The following FRMD4A variants were observed in gnomAD, a reference collection of about 807,000 sequenced individuals.
The protein encoded by FRMD4A is FERM domain containing 4A.
In FRMD4A, 29 loss-of-function variants were observed where a neutral mutation model predicts 129.1. The observed-to-expected ratio is 0.22, with a 90% confidence interval of 0.17 to 0.31. The LOEUF (loss-of-function observed/expected upper bound fraction) is 0.31, where lower values mean the gene tolerates loss of function less well. Ranked by LOEUF, FRMD4A falls within the 10% of genes least tolerant of loss-of-function variation. The pLI, the probability that FRMD4A is intolerant of heterozygous loss-of-function variation, is 1.00. For missense variants in FRMD4A, 1,272 were observed against 1,375.8 expected (o/e 0.92, Z 1.19); for synonymous variants, 634 against 571.6 (o/e 1.11, Z -1.56).
chr10:14,152,408 G>A (rs753510841), intron 2 of FRMD4A, among the ~76,000 whole-genome samples: 5 of 152,058 alleles, frequency 3.3e-5, no homozygotes, highest in Admixed American at 1.3e-4. Flanking sequence ...GATTACAGGC[G>A]TGAGCCACCG....
At chr10:13,731,972 G>A (rs2090350663) in intron 12 of FRMD4A, among the ~76,000 whole-genome samples, 19 of 152,156 alleles carry the variant, frequency 1.2e-4, no homozygotes, top group Admixed American at 1.2e-3. Context: ...CCTGACATGT[G>A]TACCCTGCAG....
intron 2 of FRMD4A, among the ~76,000 whole-genome samples, chr10:13,967,090 C>A (rs1289589618): frequency 6.6e-6 from 1 of 152,210 alleles, no homozygotes; most frequent in Non-Finnish European, 1.5e-5. Flanking sequence ...GTAATCCCAG[C>A]ACTTCGGAGG....
At chr10:14,320,826 G>C (rs907251727) in intron 2 of FRMD4A, among the ~76,000 whole-genome samples, 2 of 152,230 alleles carry the variant, frequency 1.3e-5, no homozygotes, top group Non-Finnish European at 2.9e-5. Context: ...TGAAGCTGGA[G>C]TCTGCTGAAC....
intron 2 of FRMD4A, among the ~76,000 whole-genome samples, chr10:14,169,396 A>G (rs1841359810): frequency 6.6e-6 from 1 of 152,140 alleles, no homozygotes; most frequent in Admixed American, 6.5e-5. Flanking sequence ...ATTCTTGCCT[A>G]TTCTGTAGGA....
At chr10:13,958,319 C>G (rs75293781) in intron 2 of FRMD4A, among the ~76,000 whole-genome samples, 2 of 135,584 alleles carry the variant, frequency 1.5e-5, no homozygotes, top group Admixed American at 1.7e-4. Context: ...GAGTCTCGCT[C>G]GTCGCCCAGG....
intron 6 of FRMD4A, among the ~76,000 whole-genome samples, chr10:13,772,094 G>A (rs181621189): frequency 0.011 from 1,619 of 147,750 alleles, 26 homozygotes; most frequent in African/African-American, 0.038. Flanking sequence ...TCCAGCCTGG[G>A]TGACTGAGCA....
Position 14,054,498 on chromosome 10 carries a change from C to CA in FRMD4A, c.46-195587dup, listed in dbSNP as rs562528471. Among the ~76,000 whole-genome samples the CA allele has an allele frequency of 1.7e-3, 251 of 151,844 alleles. 9 individuals carry two copies. The South Asian group carries it at 0.05, about 30-fold the overall frequency. ...CTAAACTTTAGGTTCAACGATACTC[C>CA]AAAAAAAAATCAAAATTTCTCTACG... is the stretch of plus-strand genomic sequence containing the variant. On this transcript the variant is annotated intron_variant, in intron 2 of 24. Transcript: ENST00000357447.
chr10:13,893,163 A>G (rs1564988975), intron 2 of FRMD4A, among the ~76,000 whole-genome samples: 1 of 152,050 alleles, frequency 6.6e-6, no homozygotes, highest in African/African-American at 2.4e-5. Flanking sequence ...CAGCCTCCTA[A>G]GTAACTGGGA....
intron 2 of FRMD4A, among the ~76,000 whole-genome samples, chr10:14,163,171 G>A (rs1475993291): frequency 6.6e-6 from 1 of 152,090 alleles, no homozygotes; most frequent in East Asian, 1.9e-4. Context: ...TGAGTTTCAT[G>A]GTATCCTACA....
In FRMD4A at chr10:13,646,942, G is replaced by A; in HGVS notation, c.*96C>T. ...ATTAGGCCGGGCTGGCTCACACGAGGGTCCCGGGCTTGGCTTTTTCCTGCC... is the reference window on the plus strand; with the variant it reads ...ATTAGGCCGGGCTGGCTCACACGAGAGTCCCGGGCTTGGCTTTTTCCTGCC... On this transcript the variant is annotated 3_prime_UTR_variant, in exon 25 of 25. Transcript: ENST00000357447. 1.0e-6 allele frequency: 1 copy of A among 970,612 alleles called. No homozygotes were observed. 60.1% of individuals were successfully genotyped at this position (970,612 alleles called of 1,614,324 possible). A position where few individuals can be genotyped will look rare whatever the true frequency, so the allele number is the denominator to read the frequency against.
chr10:14,255,439 G>C (rs1844574457), intron 2 of FRMD4A, among the ~76,000 whole-genome samples: 1 of 152,270 alleles, frequency 6.6e-6, no homozygotes. Flanking sequence ...TATCAAAAGG[G>C]AAGACCTGTA....
intron 2 of FRMD4A, among the ~76,000 whole-genome samples, chr10:14,240,132 T>A (rs545411403): frequency 6.6e-6 from 1 of 152,318 alleles, no homozygotes; most frequent in East Asian, 1.9e-4. Context: ...GATGGAGTAA[T>A]GACATCTTCA....
chr10:14,116,657 G>A (rs1284470977), intron 2 of FRMD4A, among the ~76,000 whole-genome samples: 1 of 152,126 alleles, frequency 6.6e-6, no homozygotes, highest in African/African-American at 2.4e-5. Flanking sequence ...CCCATTTATA[G>A]CAGCTTTAAA....
chr10:14,217,206 A>G (rs1463362961), intron 2 of FRMD4A, among the ~76,000 whole-genome samples: 1 of 152,230 alleles, frequency 6.6e-6, no homozygotes, highest in Non-Finnish European at 1.5e-5. Context: ...AAATTGTCCC[A>G]AACATCAATC....
At position 13,838,911 on chromosome 10, in the gene FRMD4A, T is replaced by C. The variant is rs2130966549; in HGVS notation, c.111+19936A>G. ...AAAATACTGACCTTAACCAGGACAT[T>C]GAATAAAAACCATCCAATGATGATT... On this transcript the variant is annotated intron_variant, in intron 3 of 24. Transcript: ENST00000357447. Among the ~76,000 whole-genome samples the C allele has an allele frequency of 2.0e-5, 3 of 151,974 alleles. No individual in the cohort carries two copies. The Middle Eastern group carries it at 0.01, about 517-fold the overall frequency.
intron 1 of FRMD4A, 60 bp downstream of exon 1, chr10:14,330,537 C>G: frequency 2.4e-6 from 1 of 409,006 alleles, no homozygotes; most frequent in Admixed American, 4.1e-5. Context: ...CCGAGCCACC[C>G]CCTCTCTCTG....
At position 13,986,396 on chromosome 10, in the gene FRMD4A, G is replaced by A. The variant is rs1357537769; in HGVS notation, c.46-127484C>T. Reference sequence around the variant, plus strand: ...ATCATTCTCAGTAAACTATCACAAGGACAAAAAACCAAACGCTAAATGTTC... The same window carrying A: ...ATCATTCTCAGTAAACTATCACAAGAACAAAAAACCAAACGCTAAATGTTC... On this transcript the variant is annotated intron_variant, in intron 2 of 24. Coordinates refer to ENST00000357447, the MANE Select transcript of FRMD4A (RefSeq NM_018027.5). 4.7e-5 allele frequency among the ~76,000 whole-genome samples: 7 copies of A among 148,518 alleles called. No individual in the cohort carries two copies. In the South Asian group the frequency reaches 6.5e-4, roughly 14 times the overall value.
intron 2 of FRMD4A, among the ~76,000 whole-genome samples, chr10:13,889,457 G>C (rs898785766): frequency 6.6e-6 from 1 of 152,172 alleles, no homozygotes; most frequent in Non-Finnish European, 1.5e-5. Flanking sequence ...TGTTCTCATG[G>C]ATTATGAAAT....
At position 14,129,374 on chromosome 10, in the gene FRMD4A, A is replaced by G. The variant is rs1454011021; in HGVS notation, c.45+200684T>C. On this transcript the variant is annotated intron_variant, in intron 2 of 24. Coordinates refer to ENST00000357447, the MANE Select transcript of FRMD4A (RefSeq NM_018027.5). ...TTAAAACAACACAATTATGATTCAT[A>G]TATATATATATATATATATATATAT... 3.8e-4 allele frequency among the ~76,000 whole-genome samples: 30 copies of G among 79,068 alleles called. 2 individuals are homozygous for G. Among genetic ancestry groups the G allele is most frequent in the South Asian group, 1.1e-3 (3 of 2,622 alleles). The allele number at this position is 79,068 out of a possible 152,430, so 51.9% of individuals were successfully genotyped here. A position where few individuals can be genotyped will look rare whatever the true frequency, so the allele number is the denominator to read the frequency against.
Sources: allele counts gnomAD v4.1 joint callset (sites outside exome capture counted in the v4.1 genomes callset), GRCh38; gene constraint gnomAD v4.1.1; transcripts MANE v1.5; gene names NCBI Gene and HGNC (gene_info 2026-07-23, HGNC 2026-07-21).